Variants in CRADD observed in about 807,000 individuals in gnomAD.
CRADD encodes the protein death domain-containing protein CRADD.
Under a neutral mutation model 15.5 loss-of-function variants are expected in CRADD, and 9 were observed. The observed-to-expected ratio is 0.58, with a 90% CI of 0.35 to 1.01. CRADD has a LOEUF of 1.01. Ranked by LOEUF, CRADD falls within the 50% of genes least tolerant of loss-of-function variation. CRADD has a pLI of 0.02. For synonymous variants in CRADD, 118 were observed against 107.6 expected (o/e 1.10, Z -0.60); for missense variants, 227 against 250.3 (o/e 0.91, Z 0.63).
At chr12:93,715,425 G>A (rs1956144697) in intron 2 of CRADD, among the ~76,000 whole-genome samples, 2 of 152,204 alleles carry the variant, frequency 1.3e-5, no homozygotes, top group Non-Finnish European at 2.9e-5. Context: ...ACCTGTTTAT[G>A]ATGAGAAATA....
chr12:93,724,892 G>A (rs1431022032), intron 2 of CRADD, among the ~76,000 whole-genome samples: 1 of 151,554 alleles, frequency 6.6e-6, no homozygotes. Context: ...ATGGAGTCTC[G>A]CTCTGTTGCC....
At chr12:93,890,921 G>A (rs982252633) in intron 2 of CRADD, among the ~76,000 whole-genome samples, 4 of 151,404 alleles carry the variant, frequency 2.6e-5, no homozygotes, top group Non-Finnish European at 5.9e-5. Flanking sequence ...TAATTTTTTG[G>A]TATTCTTAGT....
intron 2 of CRADD, among the ~76,000 whole-genome samples, chr12:93,739,281 C>T (rs1383819987): frequency 4.7e-4 from 72 of 151,974 alleles, no homozygotes; most frequent in Admixed American, 4.7e-3. Flanking sequence ...AAAATCTGCA[C>T]CCTGCTTATT....
At chr12:93,808,553 G>C (rs544567415) in intron 2 of CRADD, among the ~76,000 whole-genome samples, 4 of 152,096 alleles carry the variant, frequency 2.6e-5, no homozygotes, top group Non-Finnish European at 5.9e-5. Context: ...AGAACATCCA[G>C]CTCCCCTTTA....
chr12:93,689,817 T>C (rs1038733030), intron 2 of CRADD, among the ~76,000 whole-genome samples: 11 of 152,186 alleles, frequency 7.2e-5, no homozygotes, highest in African/African-American at 2.7e-4. Context: ...GTAGTAATGG[T>C]GAAGTTGCTG....
chr12:93,826,376 A>C (rs1181471362), intron 2 of CRADD, among the ~76,000 whole-genome samples: 1 of 152,264 alleles, frequency 6.6e-6, no homozygotes, highest in Admixed American at 6.5e-5. Flanking sequence ...AGGGAGAAGC[A>C]GCCAAGACTA....
At chr12:93,866,829 T>C (rs1275692821) in intron 2 of CRADD, among the ~76,000 whole-genome samples, 1 of 152,210 alleles carries the variant, frequency 6.6e-6, no homozygotes, top group Non-Finnish European at 1.5e-5. Context: ...AACCTAGTGA[T>C]GGAAGAGGGC....
chr12:93,808,028 T>C (rs573689614), intron 2 of CRADD, among the ~76,000 whole-genome samples: 21 of 108,832 alleles, frequency 1.9e-4, no homozygotes, highest in Admixed American at 7.9e-4. Context: ...GGAACAGAGG[T>C]AGCATGGGGG....
intron 2 of CRADD, among the ~76,000 whole-genome samples, chr12:93,862,594 A>G (rs570912268): frequency 2.6e-5 from 4 of 152,256 alleles, no homozygotes; most frequent in African/African-American, 9.6e-5. Flanking sequence ...TGAAAATTAC[A>G]TCTGTTAAGT....
intron 2 of CRADD, among the ~76,000 whole-genome samples, chr12:93,810,492 G>T (rs577953032): frequency 1.5e-5 from 2 of 137,410 alleles, no homozygotes; most frequent in African/African-American, 5.4e-5. Flanking sequence ...CAGAGGTTCC[G>T]GTGAGCCAAG....
intron 2 of CRADD, among the ~76,000 whole-genome samples, chr12:93,843,880 C>G (rs1958079963): frequency 6.6e-6 from 1 of 151,960 alleles, no homozygotes; most frequent in South Asian, 2.1e-4. Flanking sequence ...ACCACCATAC[C>G]TGGCTAATTT....
chr12:93,830,295 G>A (rs1957878922), intron 2 of CRADD, among the ~76,000 whole-genome samples: 1 of 152,242 alleles, frequency 6.6e-6, no homozygotes, highest in South Asian at 2.1e-4. Context: ...ATTATTGAAT[G>A]TAGAGTAAGA....
At position 93,678,939 on chromosome 12, in the gene CRADD, G is replaced by C; in HGVS notation, c.165G>C (p.Met55Ile). Residue 55 changes from methionine to isoleucine, a missense_variant, in exon 2 of 3, where the codon ATG (methionine) becomes ATC (isoleucine). By Grantham distance (10) the Met-to-Ile change is conservative (BLOSUM62 1). Transcript: ENST00000332896. ...NAQTTGLRKTMLLLDILPSRG... is the reference protein window; with the variant it reads ...NAQTTGLRKTILLLDILPSRG... ...AAACCACAGGCCTCCGGAAAACAAT[G>C]CTCCTGCTGGATATCCTACCTTCCA... is the stretch of plus-strand genomic sequence containing the variant. The C allele has an allele frequency of 6.2e-7, 1 of 1,614,132 alleles. No homozygotes were observed. The highest frequency in any genetic ancestry group is 8.5e-7 in the Non-Finnish European group (1 of 1,179,992).
intron 2 of CRADD, among the ~76,000 whole-genome samples, chr12:93,884,934 C>G (rs867432551): frequency 2.6e-5 from 4 of 152,192 alleles, no homozygotes; most frequent in Non-Finnish European, 4.4e-5. Flanking sequence ...GAGGGCATCT[C>G]TGTCTACTAA....
intron 2 of CRADD, among the ~76,000 whole-genome samples, chr12:93,776,065 A>G (rs1188473544): frequency 1.3e-5 from 2 of 152,172 alleles, no homozygotes; most frequent in Non-Finnish European, 2.9e-5. Flanking sequence ...AGCACACACA[A>G]TATATCCTCT....
At chr12:93,810,360 C>T (rs553045053) in intron 2 of CRADD, among the ~76,000 whole-genome samples, 3 of 151,672 alleles carry the variant, frequency 2.0e-5, no homozygotes, top group Non-Finnish European at 4.4e-5. Flanking sequence ...ACCAGCCTGA[C>T]CAACATGGAG....
intron 2 of CRADD, among the ~76,000 whole-genome samples, chr12:93,692,063 T>G (rs1047392242): frequency 2.0e-5 from 3 of 151,872 alleles, no homozygotes; most frequent in African/African-American, 7.3e-5. Flanking sequence ...AAAATTAAAT[T>G]CTGGAGCCGA....
At chr12:93,695,142 T>C (rs560461956) in intron 2 of CRADD, among the ~76,000 whole-genome samples, 5 of 152,236 alleles carry the variant, frequency 3.3e-5, no homozygotes, top group South Asian at 2.1e-4. Context: ...TGGAACAGAA[T>C]AGATAGTCCA....
intron 2 of CRADD, among the ~76,000 whole-genome samples, chr12:93,834,393 C>T (rs996236985): frequency 6.6e-6 from 1 of 152,170 alleles, no homozygotes; most frequent in African/African-American, 2.4e-5. Context: ...ATAATATTTA[C>T]ATTCTATTCT....
Sources: gnomAD v4.1 joint callset for allele counts (sites outside exome capture counted in the v4.1 genomes callset) on GRCh38, gnomAD v4.1.1 for gene constraint, MANE v1.5 for transcripts, NCBI Gene and HGNC (gene_info 2026-07-23, HGNC 2026-07-21) for gene names.